Variants in MNAT1 observed in about 807,000 individuals in gnomAD.
The protein encoded by MNAT1 is MNAT1 component of CDK activating kinase.
MNAT1 carries 43 observed loss-of-function variants against 42.0 expected under a neutral mutation model. The ratio of observed to expected loss-of-function variants is 1.02; its 90% confidence interval spans 0.80 to 1.32. MNAT1 has a LOEUF of 1.32. Among genes scored for constraint, MNAT1 ranks in the 40% most tolerant of loss-of-function variants. The pLI, the probability that MNAT1 is intolerant of heterozygous loss-of-function variation, is 0.00. For synonymous variants in MNAT1, 118 were observed against 120.0 expected, an observed-to-expected ratio of 0.98 and a Z score of 0.11; for missense variants, 306 against 350.4, an observed-to-expected ratio of 0.87 and a Z score of 1.01.
Position 60,936,305 on chromosome 14 carries a change from T to G in MNAT1, c.810-31924T>G, listed in dbSNP as rs1008049931. Among the ~76,000 whole-genome samples the G allele has an allele frequency of 3.9e-5, 6 of 152,258 alleles. No homozygotes were observed. The East Asian group carries it at 1.2e-3, about 30-fold the overall frequency. ...CAGGTTTGTTACGTGTGTATACATG[T>G]GTCATGTTGGTGTGCTGCACTCATT... On this transcript the variant is annotated intron_variant, in intron 7 of 7. Coordinates refer to ENST00000261245, the MANE Select transcript of MNAT1 (RefSeq NM_002431.4).
chr14:60,856,576 A>T (rs1328050864), intron 6 of MNAT1, among the ~76,000 whole-genome samples: 2 of 152,152 alleles, frequency 1.3e-5, no homozygotes, highest in African/African-American at 4.8e-5. Context: ...GTAGCTAAAG[A>T]GAAGAAGTCA....
intron 7 of MNAT1, among the ~76,000 whole-genome samples, chr14:60,910,275 G>A (rs1220946235): frequency 2.0e-5 from 3 of 152,192 alleles, no homozygotes; most frequent in Non-Finnish European, 1.5e-5. Context: ...TGCAAACAGG[G>A]ACAATTTGAC....
chr14:60,758,837 A>G (rs2140298337), intron 1 of MNAT1, among the ~76,000 whole-genome samples: 1 of 152,294 alleles, frequency 6.6e-6, no homozygotes, highest in East Asian at 1.9e-4. Flanking sequence ...TTAAAAATGC[A>G]TGTAAGATTT....
At chr14:60,748,731 T>C (rs952469326) in intron 1 of MNAT1, among the ~76,000 whole-genome samples, 1 of 152,212 alleles carries the variant, frequency 6.6e-6, no homozygotes, top group African/African-American at 2.4e-5. Flanking sequence ...AACAATGCCT[T>C]CTTCTAGAAT....
chr14:60,796,783 A>G (rs2032032557), intron 2 of MNAT1, among the ~76,000 whole-genome samples: 1 of 152,282 alleles, frequency 6.6e-6, no homozygotes, highest in Admixed American at 6.5e-5. Flanking sequence ...ACCAAAACAA[A>G]TGTTATTTAT....
intron 6 of MNAT1, among the ~76,000 whole-genome samples, chr14:60,866,329 C>A (rs1221586367): frequency 9.3e-6 from 1 of 107,000 alleles, no homozygotes; most frequent in Non-Finnish European, 1.9e-5. Flanking sequence ...TTTTTTTTGC[C>A]TTAATCTAAC....
intron 7 of MNAT1, among the ~76,000 whole-genome samples, chr14:60,892,805 A>G (rs962538836): frequency 6.6e-6 from 1 of 152,094 alleles, no homozygotes; most frequent in Non-Finnish European, 1.5e-5. Flanking sequence ...CCTAAGTTGT[A>G]GCACTCTGAA....
chr14:60,959,143 T>C (rs1220837864), intron 7 of MNAT1, among the ~76,000 whole-genome samples: 7 of 152,168 alleles, frequency 4.6e-5, no homozygotes, highest in African/African-American at 1.4e-4. Flanking sequence ...GCAGGGGGTC[T>C]GTTGTAGCTA....
At chr14:60,777,441 C>T (rs185198036) in intron 1 of MNAT1, among the ~76,000 whole-genome samples, 1 of 152,004 alleles carries the variant, frequency 6.6e-6, no homozygotes, top group Non-Finnish European at 1.5e-5. Context: ...ACCTCTCCCC[C>T]CCCAAAATTT....
intron 6 of MNAT1, among the ~76,000 whole-genome samples, chr14:60,875,876 C>G (rs148139042): frequency 5.7e-4 from 87 of 151,994 alleles, no homozygotes; most frequent in East Asian, 5.6e-3. Flanking sequence ...TTGAAAATAC[C>G]CATTCTGTGT....
chr14:60,948,747 A>C (rs2036328597), intron 7 of MNAT1, among the ~76,000 whole-genome samples: 1 of 152,244 alleles, frequency 6.6e-6, no homozygotes, highest in Non-Finnish European at 1.5e-5. Flanking sequence ...TTAACATAGT[A>C]GTTGGTACAT....
chr14:60,967,423 T>G (rs1159906281), intron 7 of MNAT1, among the ~76,000 whole-genome samples: 3 of 152,206 alleles, frequency 2.0e-5, no homozygotes, highest in Non-Finnish European at 2.9e-5. Flanking sequence ...AACTAAGCAT[T>G]AAAAGAAAGC....
At chr14:60,902,175 G>T (rs1020906967) in intron 7 of MNAT1, among the ~76,000 whole-genome samples, 1 of 152,142 alleles carries the variant, frequency 6.6e-6, no homozygotes, top group African/African-American at 2.4e-5. Flanking sequence ...TCAGCAAAAA[G>T]ATTAGGACTA....
intron 7 of MNAT1, among the ~76,000 whole-genome samples, chr14:60,934,621 A>C (rs917082958): frequency 6.6e-6 from 1 of 152,144 alleles, no homozygotes; most frequent in Non-Finnish European, 1.5e-5. Context: ...TTCACCTCCT[A>C]CCATGATTGT....
At chr14:60,863,346 T>A (rs1407624177) in intron 6 of MNAT1, among the ~76,000 whole-genome samples, 1 of 152,092 alleles carries the variant, frequency 6.6e-6, no homozygotes, top group African/African-American at 2.4e-5. Flanking sequence ...GACTATTTTT[T>A]AAAAAATGGT....
intron 7 of MNAT1, among the ~76,000 whole-genome samples, chr14:60,898,196 C>G (rs1210061533): frequency 6.7e-6 from 1 of 150,208 alleles, no homozygotes; most frequent in African/African-American, 2.4e-5. Flanking sequence ...TAGATTGATT[C>G]TACAGTTTTT....
chr14:60,856,808 G>T (rs969138699), intron 6 of MNAT1, among the ~76,000 whole-genome samples: 12 of 151,916 alleles, frequency 7.9e-5, no homozygotes, highest in Admixed American at 7.9e-4. Context: ...AGCCTCCTGA[G>T]TAGCTGGGAC....
At chr14:60,829,712 A>C (rs571459263) in intron 6 of MNAT1, among the ~76,000 whole-genome samples, 3 of 152,310 alleles carry the variant, frequency 2.0e-5, no homozygotes, top group Admixed American at 6.5e-5. Flanking sequence ...CTTTAGTCCC[A>C]CTGAGGGTAA....
At chr14:60,810,756 G>C (rs1407747763) in intron 4 of MNAT1, among the ~76,000 whole-genome samples, 1 of 152,152 alleles carries the variant, frequency 6.6e-6, no homozygotes, top group Non-Finnish European at 1.5e-5. Flanking sequence ...GACTTGTTTT[G>C]TGACCTAACT....
Sources: allele counts gnomAD v4.1 joint callset (sites outside exome capture counted in the v4.1 genomes callset), GRCh38; gene constraint gnomAD v4.1.1; transcripts MANE v1.5; gene names NCBI Gene and HGNC (gene_info 2026-07-23, HGNC 2026-07-21).